The following FBXL5 variants were observed in gnomAD, a reference collection of about 807,000 sequenced individuals.
FBXL5 encodes the protein F-box and leucine rich repeat protein 5.
Under a neutral mutation model 78.3 loss-of-function variants are expected in FBXL5, and 26 were observed. The observed-to-expected ratio is 0.33, with a 90% CI of 0.24 to 0.46. The LOEUF is 0.46. Ranked by LOEUF, FBXL5 falls within the 20% of genes least tolerant of loss-of-function variation. The pLI is 1.00. For synonymous variants in FBXL5, 295 were observed against 282.5 expected (o/e 1.04, Z -0.45); for missense variants, 710 against 829.2 (o/e 0.86, Z 1.77).
At chr4:15,610,711 T>G (rs1308690775) in intron 10 of FBXL5, among the ~76,000 whole-genome samples, 1 of 151,998 alleles carries the variant, frequency 6.6e-6, no homozygotes, top group East Asian at 1.9e-4. Context: ...GTCCCCTCCC[T>G]CTACCCAATA....
At chr4:15,612,489 C>CATAGGA in intron 9 of FBXL5, 75 bp from the exon 10 acceptor site, 1 of 1,311,612 alleles carries the variant, frequency 7.6e-7, no homozygotes, top group Non-Finnish European at 1.0e-6. Flanking sequence ...TTCACTGAAC[C>CATAGGA]ACTATTTTAC....
chr4:15,654,892 C>A (rs894331285), intron 1 of FBXL5, among the ~76,000 whole-genome samples: 1 of 152,106 alleles, frequency 6.6e-6, no homozygotes, highest in East Asian at 1.9e-4. Flanking sequence ...GGAGTCCCAG[C>A]GCGGCGGTGG....
chr4:15,660,817 G>A (rs891235752), upstream of FBXL5, among the ~76,000 whole-genome samples: 36 of 152,310 alleles, frequency 2.4e-4, no homozygotes, highest in African/African-American at 7.9e-4. Flanking sequence ...GGTGGCTCAC[G>A]CCTGTAATCC....
chr4:15,612,166 A>T (rs1363237506), intron 10 of FBXL5, 100 bp downstream of exon 10: 9 of 921,336 alleles, frequency 9.8e-6, no homozygotes, highest in Non-Finnish European at 1.4e-5. Flanking sequence ...ATAGTCTGGG[A>T]ATTAGAAATC....
chr4:15,633,638 G>T (rs915963067), intron 5 of FBXL5, among the ~76,000 whole-genome samples: 1 of 152,228 alleles, frequency 6.6e-6, no homozygotes, highest in African/African-American at 2.4e-5. Context: ...CTGCCGCCCA[G>T]GCTGGAGTGC....
chr4:15,641,717 G>A, intron 2 of FBXL5: 1 of 423,770 alleles, frequency 2.4e-6, no homozygotes, highest in Non-Finnish European at 4.7e-6. Context: ...TGTTGTTCAA[G>A]GGTCAACTGT....
At chr4:15,613,747 TTC>T (rs369198582) in intron 9 of FBXL5, among the ~76,000 whole-genome samples, 78 of 152,304 alleles carry the variant, frequency 5.1e-4, no homozygotes, top group African/African-American at 1.8e-3. Context: ...TATTTTGCAT[TTC>T]TCTAAGTGTG....
upstream of FBXL5, among the ~76,000 whole-genome samples, chr4:15,661,584 G>GTT (rs1380318289): frequency 6.6e-6 from 1 of 152,178 alleles, no homozygotes; most frequent in Non-Finnish European, 1.5e-5. Context: ...ACATTTAGTT[G>GTT]TAAGTGACAG....
chr4:15,627,562 T>C (rs1359405763), intron 7 of FBXL5, among the ~76,000 whole-genome samples: 1 of 152,242 alleles, frequency 6.6e-6, no homozygotes, highest in Non-Finnish European at 1.5e-5. Flanking sequence ...TTTGCCCATC[T>C]TACCATGCCT....
intron 5 of FBXL5, 178 bp downstream of exon 5, chr4:15,636,316 C>T: frequency 8.7e-6 from 4 of 459,226 alleles, no homozygotes; most frequent in South Asian, 5.5e-5. Flanking sequence ...TATAATTTAC[C>T]CATGAATTTC....
chr4:15,624,939 T>G (rs1051557614), intron 9 of FBXL5, among the ~76,000 whole-genome samples: 1 of 152,242 alleles, frequency 6.6e-6, no homozygotes, highest in Non-Finnish European at 1.5e-5. Flanking sequence ...TACATGTTCT[T>G]GAGAGTAAAA....
chr4:15,648,034 T>C (rs1335087311), intron 1 of FBXL5, among the ~76,000 whole-genome samples: 2 of 152,134 alleles, frequency 1.3e-5, no homozygotes, highest in Non-Finnish European at 2.9e-5. Context: ...TACTTTTTTA[T>C]TTTTTAGAGA....
chr4:15,639,105 G>A (rs55885788), intron 3 of FBXL5, among the ~76,000 whole-genome samples: 14 of 152,176 alleles, frequency 9.2e-5, no homozygotes, highest in Non-Finnish European at 1.5e-4. Flanking sequence ...CAGAGGTTGC[G>A]GCGAGCCGAT....
At chr4:15,652,435 A>C (rs1716197270) in intron 1 of FBXL5, among the ~76,000 whole-genome samples, 1 of 152,196 alleles carries the variant, frequency 6.6e-6, no homozygotes, top group African/African-American at 2.4e-5. Context: ...TTGTCTTTAC[A>C]TAACTCAAAG....
chr4:15,629,215 T>G lies in FBXL5; in HGVS notation c.893-1182A>C, dbSNP rs193249199. On this transcript the variant is annotated intron_variant, in intron 6 of 10. Coordinates refer to ENST00000341285, the MANE Select transcript of FBXL5 (RefSeq NM_012161.4). ...ATCTTTACAGCGTTAACTTTTCCTT[T>G]TCAATATGAAGGAAATTGAGTCTTT... Among the ~76,000 whole-genome samples, 11 of 152,264 alleles carry G rather than the reference T, an allele frequency of 7.2e-5. No individual in the cohort carries two copies. The East Asian group carries it at 1.9e-3, about 27-fold the overall frequency.
intron 1 of FBXL5, among the ~76,000 whole-genome samples, chr4:15,671,812 T>C (rs1011449335): frequency 2.6e-5 from 4 of 152,210 alleles, no homozygotes; most frequent in Non-Finnish European, 5.9e-5. Flanking sequence ...ATGAATCTTT[T>C]CTTCCACAAT....
At chr4:15,624,932 A>C (rs369663447) in intron 9 of FBXL5, among the ~76,000 whole-genome samples, 1 of 152,232 alleles carries the variant, frequency 6.6e-6, no homozygotes, top group East Asian at 1.9e-4. Flanking sequence ...TTCTTGTTAC[A>C]TGTTCTTGAG....
rs1324164550 is a variant in FBXL5 at position 15,649,359 on chromosome 4, C to T, written c.85-4651G>A. On this transcript the variant is annotated intron_variant, in intron 1 of 10. Transcript: ENST00000341285. ...CTTTGGGAGGCCGAGGCAGGCGGAT[C>T]ACAAGGTTAAGAGATCTAGGCCAAC... Among the ~76,000 whole-genome samples the T allele has an allele frequency of 2.0e-5, 3 of 152,066 alleles. No individual in the cohort carries two copies. The East Asian group carries it at 5.8e-4, about 29-fold the overall frequency.
chr4:15,625,456 G>C lies in FBXL5; in HGVS notation c.1646C>G (p.Ser549Ter). The change falls in exon 9 of 11, where the codon TCA (serine) becomes TGA (stop). Residue 549 changes from serine to a stop codon, truncating the protein, a stop_gained. Coordinates refer to ENST00000341285, the MANE Select transcript of FBXL5 (RefSeq NM_012161.4). LOFTEE classifies it high-confidence loss of function. ...ASPAFAYCGH[S>*]FCCTGTALRT... ...TAAAGCTGTTCCTGTACAACAAAAT[G>C]AGTGACCACAATACGCAAAGGCTGG... The C allele has an allele frequency of 6.2e-7, 1 of 1,613,962 alleles. No homozygotes were observed. Among genetic ancestry groups the C allele is most frequent in the Non-Finnish European group, 8.5e-7 (1 of 1,179,950 alleles).
Sources: gnomAD v4.1 joint callset for allele counts (sites outside exome capture counted in the v4.1 genomes callset) on GRCh38, gnomAD v4.1.1 for gene constraint, MANE v1.5 for transcripts, NCBI Gene and HGNC (gene_info 2026-07-23, HGNC 2026-07-21) for gene names.